AP3B1: variants seen among roughly 807,000 people sequenced by gnomAD.
The protein encoded by AP3B1 is AP-3 complex subunit beta-1.
Under a neutral mutation model 132.5 loss-of-function variants are expected in AP3B1, and 61 were observed. The ratio of observed to expected loss-of-function variants is 0.46; its 90% CI spans 0.37 to 0.57. The LOEUF (loss-of-function observed/expected upper bound fraction) is 0.57, where lower values mean the gene tolerates loss of function less well. Among genes scored for constraint, AP3B1 ranks in the 20% least tolerant of loss-of-function variants. AP3B1 has a pLI of 0.00. For missense variants in AP3B1, 1,120 were observed against 1,289.4 expected, an observed-to-expected ratio of 0.87 and a Z score of 2.01; for synonymous variants, 388 against 438.3, an observed-to-expected ratio of 0.89 and a Z score of 1.43.
At chr5:78,233,229 T>C (rs951555123) in intron 3 of AP3B1, among the ~76,000 whole-genome samples, 2 of 135,416 alleles carry the variant, frequency 1.5e-5, no homozygotes, top group African/African-American at 5.4e-5. Context: ...CCTTTGTTTT[T>C]CTTTTTTCTT....
chr5:78,029,672 TA>T (rs1005793179), intron 24 of AP3B1, among the ~76,000 whole-genome samples: 5 of 152,178 alleles, frequency 3.3e-5, no homozygotes, highest in African/African-American at 7.2e-5. Flanking sequence ...AAATTATTAT[TA>T]TTTTTTTGAA....
chr5:78,170,836 G>C (rs1237484994), intron 11 of AP3B1, among the ~76,000 whole-genome samples: 1 of 152,126 alleles, frequency 6.6e-6, no homozygotes, highest in Non-Finnish European at 1.5e-5. Context: ...GTATTCTCTA[G>C]ATTTTCTTCT....
intron 12 of AP3B1, among the ~76,000 whole-genome samples, chr5:78,163,917 AGT>A (rs1743503641): frequency 6.6e-6 from 1 of 151,956 alleles, no homozygotes; most frequent in Non-Finnish European, 1.5e-5. Context: ...TCAAATAAGA[AGT>A]ATACAATGTA....
chr5:78,003,661 T>A (rs915078581), intron 26 of AP3B1, among the ~76,000 whole-genome samples: 2 of 152,218 alleles, frequency 1.3e-5, no homozygotes, highest in Admixed American at 1.3e-4. Context: ...CGCTTCCCTT[T>A]TTCTTTGTTT....
At chr5:78,200,858 C>T (rs1049209960) in intron 7 of AP3B1, among the ~76,000 whole-genome samples, 1 of 152,060 alleles carries the variant, frequency 6.6e-6, no homozygotes, top group African/African-American at 2.4e-5. Context: ...ACTGTGCCCC[C>T]CAACCCTAAA....
intron 16 of AP3B1, 50 bp downstream of exon 16, chr5:78,129,071 G>T: frequency 6.7e-7 from 1 of 1,494,078 alleles, no homozygotes; most frequent in Non-Finnish European, 9.2e-7. Flanking sequence ...GCAACATCTT[G>T]TCATAATTTT....
intron 1 of AP3B1, among the ~76,000 whole-genome samples, chr5:78,283,100 A>G (rs1749128208): frequency 6.6e-6 from 1 of 152,222 alleles, no homozygotes; most frequent in African/African-American, 2.4e-5. Context: ...ACCAGGCACT[A>G]TTTACATATG....
intron 14 of AP3B1, among the ~76,000 whole-genome samples, chr5:78,145,215 T>G (rs1753337368): frequency 6.6e-6 from 1 of 152,246 alleles, no homozygotes; most frequent in African/African-American, 2.4e-5. Context: ...AACAAAGCCC[T>G]CAATATGATA....
chr5:78,106,124 G>C (rs903564712), intron 20 of AP3B1, among the ~76,000 whole-genome samples: 1 of 152,176 alleles, frequency 6.6e-6, no homozygotes, highest in African/African-American at 2.4e-5. Context: ...AAAGAATACA[G>C]AGTGTTAATA....
At position 78,238,368 on chromosome 5, in the gene AP3B1, A is replaced by AT. The variant is rs574624334; in HGVS notation, c.279+2493dup. Among the ~76,000 whole-genome samples, 14 of 152,318 alleles carry AT rather than the reference A, an allele frequency of 9.2e-5. No homozygotes were observed. In the South Asian group the frequency reaches 2.7e-3, roughly 29 times the overall value. Reference sequence around the variant, plus strand: ...GTGAGTTATATAATTATTTCATCATATATTACAATGTAATAATAATAGAAA... The same window carrying AT: ...GTGAGTTATATAATTATTTCATCATATTATTACAATGTAATAATAATAGAAA... On this transcript the variant is annotated intron_variant, in intron 3 of 26. Coordinates refer to ENST00000255194, the MANE Select transcript of AP3B1 (RefSeq NM_003664.5).
chr5:78,126,974 T>C (rs1382732606), intron 17 of AP3B1, among the ~76,000 whole-genome samples: 2 of 152,210 alleles, frequency 1.3e-5, no homozygotes, highest in African/African-American at 4.8e-5. Flanking sequence ...ATAGTTTTTA[T>C]AAAACATTAT....
chr5:78,193,530 T>C (rs1048158066), intron 7 of AP3B1, among the ~76,000 whole-genome samples: 1 of 151,596 alleles, frequency 6.6e-6, no homozygotes, highest in Non-Finnish European at 1.5e-5. Context: ...ATACTTCATA[T>C]ACACAAAAGA....
Position 78,045,527 on chromosome 5 carries a change from G to A in AP3B1, c.2578-6253C>T, listed in dbSNP as rs150405033. Among the ~76,000 whole-genome samples, 413 of 151,546 alleles carry A rather than the reference G, an allele frequency of 2.7e-3. 2 individuals are homozygous for A. The highest frequency in any genetic ancestry group is 4.5e-3 in the Non-Finnish European group (307 of 67,946). Reference sequence around the variant, plus strand: ...TAGGTGATATTTTGTTCAATAAACCGAGTGGGTTCCATAAATACTTCGACT... The same window carrying A: ...TAGGTGATATTTTGTTCAATAAACCAAGTGGGTTCCATAAATACTTCGACT... On this transcript the variant is annotated intron_variant, in intron 22 of 26. Coordinates refer to ENST00000255194, the MANE Select transcript of AP3B1 (RefSeq NM_003664.5).
Position 78,012,091 on chromosome 5 carries a change from G to A in AP3B1, c.3131+3319C>T, listed in dbSNP as rs375891989. ...TCCTACTCTTTATAAACTCAAAAAC[G>A]TAACTATCACAAAAGAATAAGGGAA... On this transcript the variant is annotated intron_variant, in intron 26 of 26. Transcript: ENST00000255194. 1.4e-4 allele frequency among the ~76,000 whole-genome samples: 22 copies of A among 151,802 alleles called. No individual in the cohort carries two copies. The South Asian group carries it at 2.7e-3, about 19-fold the overall frequency.
intron 22 of AP3B1, among the ~76,000 whole-genome samples, chr5:78,073,022 C>T (rs1247988733): frequency 6.6e-6 from 1 of 151,934 alleles, no homozygotes; most frequent in African/African-American, 2.4e-5. Flanking sequence ...GCCCAGCCCA[C>T]GTCTGATATA....
chr5:78,078,939 G>GGAAC (rs1162284194), intron 22 of AP3B1, among the ~76,000 whole-genome samples: 1 of 152,168 alleles, frequency 6.6e-6, no homozygotes, highest in Non-Finnish European at 1.5e-5. Context: ...AAACATTAGG[G>GGAAC]GAACATGTGT....
rs1053392898 is a variant in AP3B1 at position 78,034,502 on chromosome 5, C to G, written c.2810-57G>C. On this transcript the variant is annotated intron_variant, in intron 23 of 26. Transcript: ENST00000255194. ...ACAGAGGATGTGAAAAAGAGGCAAA[C>G]TAAACACTGAAAATTTAGGTAATGT... 7 of 1,291,526 alleles carry G rather than the reference C, an allele frequency of 5.4e-6. No individual in the cohort carries two copies. The Admixed American group carries it at 1.2e-4, about 22-fold the overall frequency. 80.0% of individuals were successfully genotyped at this position (1,291,526 alleles called of 1,614,324 possible).
intron 14 of AP3B1, among the ~76,000 whole-genome samples, chr5:78,142,303 T>C (rs535980100): frequency 6.6e-6 from 1 of 152,306 alleles, no homozygotes; most frequent in East Asian, 1.9e-4. Context: ...CTTATTTGCA[T>C]CCTCCCCTAT....
chr5:78,147,512 ATACT>A (rs1412026568), intron 14 of AP3B1, among the ~76,000 whole-genome samples: 6 of 151,992 alleles, frequency 3.9e-5, no homozygotes, highest in African/African-American at 1.2e-4. Context: ...TTACTTTTAA[ATACT>A]TATTATTTAT....
Sources: allele counts gnomAD v4.1 joint callset (sites outside exome capture counted in the v4.1 genomes callset), GRCh38; gene constraint gnomAD v4.1.1; transcripts MANE v1.5; gene names NCBI Gene and HGNC (gene_info 2026-07-23, HGNC 2026-07-21).